The following PCDHA7 variants were observed in gnomAD, a reference collection of about 807,000 sequenced individuals.
PCDHA7 encodes protocadherin alpha-7.
PCDHA7 carries 37 observed loss-of-function variants against 57.2 expected under a neutral mutation model. The ratio of observed to expected loss-of-function variants is 0.65; its 90% CI spans 0.50 to 0.85. The LOEUF (loss-of-function observed/expected upper bound fraction) is 0.85, where lower values mean the gene tolerates loss of function less well. Among genes scored for constraint, PCDHA7 ranks in the 40% least tolerant of loss-of-function variants. The pLI is 0.00. For missense variants in PCDHA7, 1,188 were observed against 1,241.8 expected, an observed-to-expected ratio of 0.96 and a Z score of 0.65; for synonymous variants, 553 against 558.8, an observed-to-expected ratio of 0.99 and a Z score of 0.15.
chr5:140,882,770 T>C (rs781904504), intron 1 of PCDHA7: 4 of 1,614,144 alleles, frequency 2.5e-6, no homozygotes, highest in Non-Finnish European at 3.4e-6. Flanking sequence ...AAACTCGGCA[T>C]TGACCTACCG....
chr5:140,869,284 C>T, intron 1 of PCDHA7: 1 of 1,613,582 alleles, frequency 6.2e-7, no homozygotes, highest in Non-Finnish European at 8.5e-7. Flanking sequence ...GGAGCTGGTG[C>T]AGCGCCTGTT....
At chr5:140,847,583 T>A (rs1323179301) in intron 1 of PCDHA7, 3 of 149,348 alleles carry the variant, frequency 2.0e-5, no homozygotes, top group African/African-American at 7.3e-5. Context: ...GGATGAGCAA[T>A]AATGAAATTA....
chr5:140,836,604 T>C lies in PCDHA7; in HGVS notation c.2221T>C (p.Cys741Arg), dbSNP rs2150265296. The C allele has an allele frequency of 6.2e-7, 1 of 1,613,700 alleles. No individual in the cohort carries two copies. The highest frequency in any genetic ancestry group is 1.3e-5 in the African/African-American group (1 of 74,922). The part of the protein sequence containing the change: ...ACSLVKPTLV[C>R]SSAVGSWSFS... ...TAGTTTGGTAAAGCCCACTCTGGTGTGCTCCAGCGCGGTGGGGAGCTGGTC... is the reference window on the plus strand; with the variant it reads ...TAGTTTGGTAAAGCCCACTCTGGTGCGCTCCAGCGCGGTGGGGAGCTGGTC... Residue 741 changes from cysteine to arginine, a missense_variant, in exon 1 of 4, where the codon TGC becomes CGC. Around this residue, in one of 3 missense-constraint regions of PCDHA7, gnomAD observed 892 missense variants for 788.5 expected, o/e 1.13. Coordinates refer to ENST00000525929, the MANE Select transcript of PCDHA7 (RefSeq NM_018910.3).
chr5:140,920,029 T>C (rs1584162393), intron 1 of PCDHA7, among the ~76,000 whole-genome samples: 1 of 152,118 alleles, frequency 6.6e-6, no homozygotes, highest in African/African-American at 2.4e-5. Flanking sequence ...GAGACAGAGA[T>C]TGGAGTGATG....
intron 1 of PCDHA7, chr5:140,884,750 A>T (rs1032518651): frequency 8.1e-5 from 116 of 1,431,120 alleles, no homozygotes; most frequent in Non-Finnish European, 1.2e-5. Context: ...TGCCAATTTC[A>T]AATTATTCTT....
intron 3 of PCDHA7, among the ~76,000 whole-genome samples, chr5:140,997,106 C>T (rs2153943751): frequency 6.6e-6 from 1 of 152,162 alleles, no homozygotes; most frequent in South Asian, 2.1e-4. Context: ...CTCATGCACT[C>T]CTGCTCTCCC....
chr5:140,919,357 G>C (rs1158844072), intron 1 of PCDHA7, among the ~76,000 whole-genome samples: 3 of 152,148 alleles, frequency 2.0e-5, no homozygotes, highest in Non-Finnish European at 4.4e-5. Flanking sequence ...GAATCTAAAA[G>C]TGTCTCCTGC....
chr5:140,927,339 A>G lies in PCDHA7; in HGVS notation c.2356-51610A>G, dbSNP rs532353795. 3.7e-6 allele frequency: 6 copies of G among 1,614,052 alleles called. No individual in the cohort carries two copies. The South Asian group carries it at 4.4e-5, about 12-fold the overall frequency. The stretch of plus-strand genomic sequence containing the variant: ...CCCGCTTTACTCTCCCGAATGCCCA[A>G]GATGACGACGAGGGAAGCAATGGGA... On this transcript the variant is annotated intron_variant, in intron 1 of 3. Transcript: ENST00000525929.
chr5:140,858,376 A>ACATC, intron 1 of PCDHA7: 1 of 1,587,998 alleles, frequency 6.3e-7, no homozygotes, highest in Non-Finnish European at 8.6e-7. Flanking sequence ...GCCTTCCACC[A>ACATC]TGCCCAATGG....
Position 140,842,564 on chromosome 5 carries a change from C to G in PCDHA7, c.2355+5826C>G, listed in dbSNP as rs2150339268. 40 of 1,500,320 alleles carry G rather than the reference C, an allele frequency of 2.7e-5. 2 individuals carry two copies. In the East Asian group the frequency reaches 6.6e-4, roughly 25 times the overall value. The allele number at this position is 1,500,320 out of a possible 1,614,324, so 92.9% of individuals were successfully genotyped here. A position where few individuals can be genotyped will look rare whatever the true frequency, so the allele number is the denominator to read the frequency against. On this transcript the variant is annotated intron_variant, in intron 1 of 3. Transcript: ENST00000525929. ...GTTGGTGCTGGACAGCGCCCTGGAC[C>G]GCGAGAGAGTGTCGGCCTATGAGTT...
chr5:140,941,241 T>TTCTTTCTTTCTTTC (rs1247398838), intron 1 of PCDHA7, among the ~76,000 whole-genome samples: 1 of 140,458 alleles, frequency 7.1e-6, no homozygotes, highest in Non-Finnish European at 1.5e-5. Flanking sequence ...CTTTCTTTCT[T>TTCTTTCTTTCTTTC]TCTTTCTTTC....
At chr5:140,926,908 G>C (rs950305439) in intron 1 of PCDHA7, 2 of 1,560,316 alleles carry the variant, frequency 1.3e-6, no homozygotes, top group Admixed American at 1.8e-5. Flanking sequence ...GGGCTGTGGG[G>C]TGGCAGTTTT....
chr5:141,003,856 ATG>A (rs1554259354), intron 3 of PCDHA7, among the ~76,000 whole-genome samples: 1 of 152,144 alleles, frequency 6.6e-6, no homozygotes, highest in Non-Finnish European at 1.5e-5. Flanking sequence ...CCAGATTTAT[ATG>A]TGTCTGAAAT....
intron 1 of PCDHA7, chr5:140,869,090 C>G (rs150845602): frequency 1.3e-6 from 2 of 1,589,674 alleles, no homozygotes; most frequent in African/African-American, 1.4e-5. Context: ...TTTTGGAAGC[C>G]AATTTCGTAT....
At chr5:140,958,406 G>A (rs576536874) in intron 1 of PCDHA7, among the ~76,000 whole-genome samples, 2 of 152,204 alleles carry the variant, frequency 1.3e-5, no homozygotes, top group African/African-American at 4.8e-5. Context: ...CATTATCACT[G>A]ATGCTTGGAA....
At chr5:140,985,216 C>T (rs1009954667) in intron 3 of PCDHA7, among the ~76,000 whole-genome samples, 1 of 152,186 alleles carries the variant, frequency 6.6e-6, no homozygotes, top group South Asian at 2.1e-4. Context: ...GGATTACAGG[C>T]GTGAGCCACC....
chr5:140,864,625 G>GAAAAC (rs1229518182), intron 1 of PCDHA7: 2 of 152,052 alleles, frequency 1.3e-5, no homozygotes, highest in Non-Finnish European at 2.9e-5. Flanking sequence ...TTTTTAAAAA[G>GAAAAC]AAAACAAAAC....
intron 1 of PCDHA7, among the ~76,000 whole-genome samples, chr5:140,921,749 A>G (rs1366376226): frequency 6.6e-6 from 1 of 152,196 alleles, no homozygotes; most frequent in Non-Finnish European, 1.5e-5. Context: ...GCATAACAGG[A>G]CACTTCTTGG....
At position 140,834,339 on chromosome 5, in the gene PCDHA7, C is replaced by T; in HGVS notation, c.-45C>T. 6.7e-7 allele frequency: 1 copy of T among 1,501,080 alleles called. No homozygotes were observed. The highest frequency in any genetic ancestry group is 9.0e-7 in the Non-Finnish European group (1 of 1,111,572). 93.0% of individuals were successfully genotyped at this position (1,501,080 alleles called of 1,614,324 possible). A position where few individuals can be genotyped will look rare whatever the true frequency, so the allele number is the denominator to read the frequency against. On this transcript the variant is annotated 5_prime_UTR_variant, in exon 1 of 4. Coordinates refer to ENST00000525929, the MANE Select transcript of PCDHA7 (RefSeq NM_018910.3). The stretch of plus-strand genomic sequence containing the variant: ...AGGGATAAAAACATTCCTATAAATT[C>T]GAAGGCAAGTTTTGCTGACTAGAAA...
Sources: allele counts gnomAD v4.1 joint callset (sites outside exome capture counted in the v4.1 genomes callset), GRCh38; gene constraint gnomAD v4.1.1; regional missense constraint gnomAD v4.1.1; transcripts MANE v1.5; gene names NCBI Gene and HGNC (gene_info 2026-07-23, HGNC 2026-07-21).